Variants in CABIN1 observed in about 807,000 individuals in gnomAD.
CABIN1 encodes calcineurin-binding protein cabin-1.
In CABIN1, 133 loss-of-function variants were observed where a neutral mutation model predicts 227.7. The observed-to-expected ratio is 0.58, with a 90% CI of 0.51 to 0.67. The LOEUF is 0.67. CABIN1 is among the 30% of genes least tolerant of loss of function. The pLI, the probability that CABIN1 is intolerant of heterozygous loss-of-function variation, is 0.00. For synonymous variants in CABIN1, 1,086 were observed against 1,155.1 expected (o/e 0.94, Z 1.21); for missense variants, 2,408 against 2,852.5 (o/e 0.84, Z 3.55).
At chr22:24,146,747 G>C (rs1038130222) in intron 29 of CABIN1, among the ~76,000 whole-genome samples, 1 of 152,228 alleles carries the variant, frequency 6.6e-6, no homozygotes, top group Non-Finnish European at 1.5e-5. Flanking sequence ...CTGGCTATCC[G>C]GAGACAGTTT....
intron 26 of CABIN1, among the ~76,000 whole-genome samples, chr22:24,110,953 A>G (rs2042776844): frequency 6.7e-6 from 1 of 148,906 alleles, no homozygotes; most frequent in Non-Finnish European, 1.5e-5. Flanking sequence ...GTCTTTTATT[A>G]TTTTTGGGAA....
chr22:24,095,409 G>C (rs967866045), intron 24 of CABIN1, among the ~76,000 whole-genome samples: 1 of 152,100 alleles, frequency 6.6e-6, no homozygotes, highest in South Asian at 2.1e-4. Context: ...TGGATGCAAT[G>C]AGCTGCCTGC....
At chr22:24,114,800 C>T (rs2042995625) in intron 27 of CABIN1, among the ~76,000 whole-genome samples, 1 of 152,242 alleles carries the variant, frequency 6.6e-6, no homozygotes, top group Admixed American at 6.5e-5. Flanking sequence ...TGCTCCCTGC[C>T]AGCCTCCCCT....
chr22:24,055,008 G>A lies in CABIN1; in HGVS notation c.942G>A (p.Met314Ile), dbSNP rs1201436309. The A allele has an allele frequency of 6.2e-7, 1 of 1,614,116 alleles. No individual in the cohort carries two copies. The highest frequency in any genetic ancestry group is 1.3e-5 in the African/African-American group (1 of 74,930). ...CCAGCCAGCCTCTTGAGTCCTCCAT[G>A]GTGGTGACGCCAGTTAACGTGATCC... ...QDPSQPLESS[M>I]VVTPVNVIQP... Residue 314 changes from methionine (M) to isoleucine (I), a missense_variant, in exon 9 of 37, where the codon ATG (methionine) becomes ATA (isoleucine). This residue lies in a region of CABIN1 where 1,045 missense variants were observed against 1,168.4 expected (regional missense o/e 0.89). Transcript: ENST00000263119.
Position 24,116,946 on chromosome 22 carries a change from A to G in CABIN1, c.4301-2421A>G, listed in dbSNP as rs917591235. On this transcript the variant is annotated intron_variant, in intron 27 of 36. Coordinates refer to ENST00000263119, the MANE Select transcript of CABIN1 (RefSeq NM_012295.4). ...CTAGGCTAGAGCAGCCAGAACACAC[A>G]TTTTACTTGCTTTTTCTTGGTAGAA... Among the ~76,000 whole-genome samples the G allele has an allele frequency of 1.1e-4, 16 of 152,230 alleles. No individual in the cohort carries two copies. In the South Asian group the frequency reaches 1.9e-3, roughly 18 times the overall value.
chr22:24,147,267 CCCTG>C (rs2045182838), intron 29 of CABIN1, among the ~76,000 whole-genome samples: 1 of 113,266 alleles, frequency 8.8e-6, no homozygotes, highest in Non-Finnish European at 1.8e-5. Context: ...CTCCCTCCGT[CCCTG>C]CCTCCCTCCC....
chr22:24,102,559 G>T (rs1308203264), intron 26 of CABIN1, among the ~76,000 whole-genome samples: 1 of 152,222 alleles, frequency 6.6e-6, no homozygotes, highest in Admixed American at 6.5e-5. Context: ...GCTGAGGGTT[G>T]GGGGTCAACT....
chr22:24,036,204 T>G (rs2036872892), intron 3 of CABIN1, 23 bp downstream of exon 3: 2 of 1,502,526 alleles, frequency 1.3e-6, no homozygotes, highest in Admixed American at 1.7e-5. Flanking sequence ...AGGTCTTCTC[T>G]GTAGGTGGAC....
intron 3 of CABIN1, 97 bp downstream of exon 3, chr22:24,036,278 TA>T: frequency 1.1e-6 from 1 of 871,946 alleles, no homozygotes; most frequent in Non-Finnish European, 2.0e-6. Flanking sequence ...AGTGGGGCTT[TA>T]GGGGGAAATT....
intron 29 of CABIN1, among the ~76,000 whole-genome samples, chr22:24,157,202 C>G (rs1222292895): frequency 6.6e-6 from 1 of 152,148 alleles, no homozygotes; most frequent in Non-Finnish European, 1.5e-5. Flanking sequence ...GGTGTTCAAC[C>G]TGGCCTGCTT....
At chr22:24,049,051 T>G in intron 6 of CABIN1, 40 bp from the exon 7 acceptor site, 1 of 1,610,698 alleles carries the variant, frequency 6.2e-7, no homozygotes, top group Non-Finnish European at 8.5e-7. Flanking sequence ...AGCTTCTGAG[T>G]GCGGTCTCAG....
At chr22:24,128,866 C>T (rs1290930919) in intron 28 of CABIN1, among the ~76,000 whole-genome samples, 1 of 152,216 alleles carries the variant, frequency 6.6e-6, no homozygotes, top group African/African-American at 2.4e-5. Flanking sequence ...AGTTTGCACA[C>T]CTGGAGTCAC....
At chr22:24,097,573 C>T (rs1176147277) in intron 25 of CABIN1, among the ~76,000 whole-genome samples, 1 of 152,200 alleles carries the variant, frequency 6.6e-6, no homozygotes, top group African/African-American at 2.4e-5. Context: ...TCTAATGTTT[C>T]TGCTCAACTA....
chr22:24,100,341 C>T (rs2042130932), intron 26 of CABIN1, among the ~76,000 whole-genome samples: 1 of 152,144 alleles, frequency 6.6e-6, no homozygotes, highest in South Asian at 2.1e-4. Flanking sequence ...TGTTTGGGGT[C>T]CTAAAATAGC....
At chr22:24,013,722 C>T (rs1194476984) in intron 1 of CABIN1, among the ~76,000 whole-genome samples, 1 of 152,108 alleles carries the variant, frequency 6.6e-6, no homozygotes, top group Non-Finnish European at 1.5e-5. Context: ...ATTCCAGGAC[C>T]CTATCCAAGA....
chr22:24,122,384 C>G (rs1432871342), intron 28 of CABIN1, among the ~76,000 whole-genome samples: 1 of 152,088 alleles, frequency 6.6e-6, no homozygotes, highest in Non-Finnish European at 1.5e-5. Flanking sequence ...CTGGCTGAGC[C>G]ATCGCTAAGC....
Position 24,061,964 on chromosome 22 carries a change from T to A in CABIN1, c.1635T>A (p.Ser545=). The change falls in exon 13 of 37, where the codon TCT becomes TCA. Residue 545 remains serine (S), a synonymous_variant. Coordinates refer to ENST00000263119, the MANE Select transcript of CABIN1 (RefSeq NM_012295.4). ...NKHIKDMMLM[S]LSCMELQLDQ... ...TCCTGCAGGACATGATGCTGATGTC[T>A]CTCTCCTGCATGGAACTCCAGCTGG... is the stretch of plus-strand genomic sequence containing the variant. 1 of 1,613,906 alleles carries A rather than the reference T, an allele frequency of 6.2e-7. No individual in the cohort carries two copies. The highest frequency in any genetic ancestry group is 1.1e-5 in the South Asian group (1 of 91,082).
At chr22:24,123,728 C>T (rs1005866856) in intron 28 of CABIN1, among the ~76,000 whole-genome samples, 1 of 152,194 alleles carries the variant, frequency 6.6e-6, no homozygotes, top group Admixed American at 6.5e-5. Context: ...GAACCATTAA[C>T]TGGGAAGTAG....
At position 24,098,177 on chromosome 22, in the gene CABIN1, C is replaced by T; in HGVS notation, c.4102C>T (p.Gln1368Ter). The T allele has an allele frequency of 1.2e-6, 2 of 1,614,198 alleles. No individual in the cohort carries two copies. Among genetic ancestry groups the T allele is most frequent in the Non-Finnish European group, 8.5e-7 (1 of 1,180,038 alleles). The change falls in exon 26 of 37, where the codon CAG becomes TAG. Residue 1368 changes from glutamine (Q) to a stop codon, truncating the protein, a stop_gained. Coordinates refer to ENST00000263119, the MANE Select transcript of CABIN1 (RefSeq NM_012295.4). LOFTEE classifies it high-confidence loss of function. Reference protein sequence around the residue: ...DYVKCKKPHQQATPDDRSQDS... With the variant: ...DYVKCKKPHQ ...CGTCAAATGTAAAAAACCCCACCAG[C>T]AGGCAACGCCGGACGGTACAGTCCC... is the stretch of plus-strand genomic sequence containing the variant.
Sources: gnomAD v4.1 joint callset for allele counts (sites outside exome capture counted in the v4.1 genomes callset) on GRCh38, gnomAD v4.1.1 for gene constraint, gnomAD v4.1.1 regional missense constraint, MANE v1.5 for transcripts, NCBI Gene and HGNC (gene_info 2026-07-23, HGNC 2026-07-21) for gene names.